Variants in SFMBT2 observed in about 807,000 individuals in gnomAD.
The protein encoded by SFMBT2 is scm-like with four MBT domains protein 2.
Under a neutral mutation model 110.1 loss-of-function variants are expected in SFMBT2, and 38 were observed. The observed-to-expected ratio is 0.35, with a 90% CI of 0.27 to 0.45. SFMBT2 has a LOEUF of 0.45. Among genes scored for constraint, SFMBT2 ranks in the 20% least tolerant of loss-of-function variants. The pLI is 1.00. For synonymous variants in SFMBT2, 425 were observed against 425.4 expected, an observed-to-expected ratio of 1.00 and a Z score of 0.01; for missense variants, 1,011 against 1,094.9, an observed-to-expected ratio of 0.92 and a Z score of 1.08.
chr10:7,233,255 C>G (rs1840160726), intron 9 of SFMBT2, among the ~76,000 whole-genome samples: 1 of 152,148 alleles, frequency 6.6e-6, no homozygotes, highest in Non-Finnish European at 1.5e-5. Context: ...GGGAGTGGAA[C>G]TTTAAAAAAC....
intron 7 of SFMBT2, among the ~76,000 whole-genome samples, chr10:7,263,457 G>A (rs138516071): frequency 3.2e-3 from 480 of 152,258 alleles, no homozygotes; most frequent in African/African-American, 0.011. Flanking sequence ...AGCCAGGCTG[G>A]TCTCGAACTC....
At chr10:7,311,002 G>A (rs144674923) in intron 4 of SFMBT2, among the ~76,000 whole-genome samples, 1,775 of 143,614 alleles carry the variant, frequency 0.012, 42 homozygotes, top group African/African-American at 0.044. Context: ...AGCCAAGATC[G>A]TGCTATTGCA....
chr10:7,410,238 C>T (rs373267898), intron 1 of SFMBT2, among the ~76,000 whole-genome samples: 1 of 152,226 alleles, frequency 6.6e-6, no homozygotes, highest in Non-Finnish European at 1.5e-5. Context: ...ACTACTACTG[C>T]CAATTTTATT....
At chr10:7,243,802 A>G (rs1237019139) in intron 8 of SFMBT2, 97 bp from the exon 9 acceptor site, 7 of 663,770 alleles carry the variant, frequency 1.1e-5, no homozygotes, top group Middle Eastern at 3.7e-4. Context: ...GGCAATTAAT[A>G]TAGTTCATCA....
intron 4 of SFMBT2, among the ~76,000 whole-genome samples, chr10:7,299,199 C>T (rs1842490259): frequency 6.6e-6 from 1 of 152,076 alleles, no homozygotes; most frequent in African/African-American, 2.4e-5. Context: ...GACAAAAAAG[C>T]CAAAAGCAAT....
intron 7 of SFMBT2, among the ~76,000 whole-genome samples, chr10:7,266,951 T>C (rs1228862831): frequency 1.3e-5 from 2 of 152,106 alleles, no homozygotes; most frequent in African/African-American, 2.4e-5. Flanking sequence ...AATCTGGAAA[T>C]GTGGCTGATA....
intron 4 of SFMBT2, among the ~76,000 whole-genome samples, chr10:7,327,135 GAAAA>G (rs35099211): frequency 6.4e-5 from 8 of 125,572 alleles, no homozygotes; most frequent in Non-Finnish European, 1.7e-5. Flanking sequence ...GGTCTTCCTT[GAAAA>G]AAAAAAAAAA....
intron 4 of SFMBT2, among the ~76,000 whole-genome samples, chr10:7,339,934 G>A (rs1325692889): frequency 1.3e-5 from 2 of 152,210 alleles, no homozygotes; most frequent in Admixed American, 6.5e-5. Flanking sequence ...AGGGTCAGCA[G>A]GATGAGCTAG....
intron 4 of SFMBT2, among the ~76,000 whole-genome samples, chr10:7,328,484 C>T (rs1843464605): frequency 6.6e-6 from 1 of 152,236 alleles, no homozygotes; most frequent in Admixed American, 6.5e-5. Flanking sequence ...ATGAAGTCCA[C>T]TTTATCAATT....
chr10:7,389,059 T>A (rs377579381), intron 1 of SFMBT2, among the ~76,000 whole-genome samples: 14 of 152,206 alleles, frequency 9.2e-5, no homozygotes, highest in Non-Finnish European at 2.1e-4. Context: ...GTTAACAAAA[T>A]GCAATCTTTT....
intron 4 of SFMBT2, among the ~76,000 whole-genome samples, chr10:7,354,353 C>T (rs540803014): frequency 1.4e-3 from 220 of 152,248 alleles, no homozygotes; most frequent in Admixed American, 5.4e-3. Flanking sequence ...ACACGAATAA[C>T]GTGGCAGTGT....
chr10:7,354,680 C>T (rs891366336), intron 4 of SFMBT2, among the ~76,000 whole-genome samples: 5 of 152,182 alleles, frequency 3.3e-5, no homozygotes, highest in Non-Finnish European at 5.9e-5. Context: ...ACACCAAGTG[C>T]AAATACAAAT....
rs529541957 is a variant in SFMBT2, at chr10:7,265,339, T to C, written c.870+11553A>G. ...GCTTCAGCCTCCCATGTAGCTGGGA[T>C]AACATGCGCATGCCACCACGCCCGA... On this transcript the variant is annotated intron_variant, in intron 7 of 20. Transcript: ENST00000397167. Among the ~76,000 whole-genome samples, 212 of 152,088 alleles carry C rather than the reference T, an allele frequency of 1.4e-3. 2 individuals carry two copies. Among genetic ancestry groups the C allele is most frequent in the African/African-American group, 4.2e-3 (175 of 41,494 alleles).
intron 4 of SFMBT2, among the ~76,000 whole-genome samples, chr10:7,348,739 T>A (rs572729179): frequency 2.0e-4 from 30 of 152,336 alleles, no homozygotes; most frequent in Admixed American, 1.1e-3. Context: ...AGATTTTTTT[T>A]AAAAACTGCT....
intron 11 of SFMBT2, among the ~76,000 whole-genome samples, chr10:7,213,451 G>C (rs184093592): frequency 6.6e-5 from 10 of 152,150 alleles, no homozygotes; most frequent in African/African-American, 2.4e-4. Flanking sequence ...GGACTGAAGT[G>C]ACTCATGGGT....
intron 2 of SFMBT2, among the ~76,000 whole-genome samples, chr10:7,375,540 T>C (rs1225019838): frequency 7.2e-5 from 11 of 152,064 alleles, no homozygotes; most frequent in Admixed American, 1.3e-4. Flanking sequence ...TTTAATACTA[T>C]CCTAAGATTT....
chr10:7,399,871 A>G lies in SFMBT2; in HGVS notation c.-52+10990T>C, dbSNP rs1007678216. Among the ~76,000 whole-genome samples, 6 of 152,322 alleles carry G rather than the reference A, an allele frequency of 3.9e-5. No homozygotes were observed. In the East Asian group the frequency reaches 9.6e-4, roughly 24 times the overall value. On this transcript the variant is annotated intron_variant, in intron 1 of 20. Coordinates refer to ENST00000397167, the MANE Select transcript of SFMBT2 (RefSeq NM_001387889.1). ...ACTCACCTTCCTTGTTAAAACCAAG[A>G]GGATGTGGTAGGAGGAAACAATAGA...
intron 1 of SFMBT2, among the ~76,000 whole-genome samples, chr10:7,389,842 T>C (rs1332386161): frequency 1.3e-5 from 2 of 152,244 alleles, no homozygotes; most frequent in East Asian, 3.8e-4. Context: ...ATTCAGATTA[T>C]CCCTTTATGT....
At chr10:7,406,465 TAAAA>T (rs76194396) in intron 1 of SFMBT2, among the ~76,000 whole-genome samples, 30 of 120,036 alleles carry the variant, frequency 2.5e-4, no homozygotes, top group African/African-American at 6.1e-5. Flanking sequence ...GGGCAGTGGT[TAAAA>T]AAAAAAAAAA....
Sources: allele counts gnomAD v4.1 joint callset (sites outside exome capture counted in the v4.1 genomes callset), GRCh38; gene constraint gnomAD v4.1.1; transcripts MANE v1.5; gene names NCBI Gene and HGNC (gene_info 2026-07-23, HGNC 2026-07-21).